The following DMD variants were observed in gnomAD, a reference collection of about 807,000 sequenced individuals.
The protein encoded by DMD is mutant dystrophin.
In DMD, 63 loss-of-function variants were observed where a neutral mutation model predicts 330.1. The observed-to-expected ratio is 0.19, with a 90% CI of 0.16 to 0.24. The LOEUF (loss-of-function observed/expected upper bound fraction) is 0.24. Among genes scored for constraint, DMD ranks in the 10% least tolerant of loss-of-function variants. The pLI, the probability that DMD is intolerant of heterozygous loss-of-function variation, is 1.00. For missense variants in DMD, 3,344 were observed against 2,684.1 expected (o/e 1.25, Z -5.43); for synonymous variants, 1,223 against 959.8 (o/e 1.27, Z -5.07).
intron 7 of DMD, among the ~76,000 whole-genome samples, chrX:32,751,640 G>A (rs2070828258): frequency 8.9e-6 from 1 of 112,652 alleles, no homozygotes; most frequent in Non-Finnish European, 1.9e-5. Flanking sequence ...GCAGAAATTT[G>A]TATAAGTAAC....
intron 63 of DMD, among the ~76,000 whole-genome samples, chrX:31,247,064 T>C (rs2048897936): frequency 8.9e-6 from 1 of 111,962 alleles, no homozygotes; most frequent in South Asian, 3.7e-4. Context: ...AGACCTAGTG[T>C]TCAAAATAGG....
intron 43 of DMD, among the ~76,000 whole-genome samples, chrX:32,261,509 T>C (rs965398195): frequency 5.3e-5 from 6 of 112,187 alleles, no homozygotes; most frequent in African/African-American, 1.9e-4. Flanking sequence ...GGTATGTTCT[T>C]GGAATTGAGA....
intron 1 of DMD, among the ~76,000 whole-genome samples, chrX:33,263,849 G>A (rs1358142129): frequency 9.1e-6 from 1 of 110,412 alleles, no homozygotes; most frequent in Non-Finnish European, 1.9e-5. Context: ...TACAAAAAAG[G>A]GAAACTGACT....
chrX:31,329,986 A>G (rs1363002758), intron 61 of DMD, among the ~76,000 whole-genome samples: 2 of 103,808 alleles, frequency 1.9e-5, no homozygotes, highest in Non-Finnish European at 3.9e-5. Context: ...AAAAAAAAAA[A>G]AAAAAAAAAA....
chrX:31,715,386 T>C (rs185853246), intron 52 of DMD, among the ~76,000 whole-genome samples: 1,835 of 103,812 alleles, frequency 0.018, 24 homozygotes, highest in East Asian at 0.038. Flanking sequence ...CTACTAAAAA[T>C]ACAAAAATTA....
intron 60 of DMD, among the ~76,000 whole-genome samples, chrX:31,405,699 A>G (rs1442531506): frequency 8.9e-6 from 1 of 111,834 alleles, no homozygotes; most frequent in African/African-American, 3.2e-5. Flanking sequence ...AATCAGCAAT[A>G]ATAGATGTAA....
chrX:31,908,712 ATATATATATACT>A (rs1357375821), intron 47 of DMD, among the ~76,000 whole-genome samples: 3 of 110,480 alleles, frequency 2.7e-5, no homozygotes, highest in African/African-American at 6.6e-5. Flanking sequence ...AACTTCAAGT[ATATATATATACT>A]TATATATATA....
chrX:32,313,685 T>C (rs1406397029), intron 41 of DMD, among the ~76,000 whole-genome samples: 2 of 111,972 alleles, frequency 1.8e-5, no homozygotes, highest in Non-Finnish European at 3.8e-5. Context: ...TTTAAGCTGA[T>C]AAGCAACTTC....
chrX:31,349,669 G>A (rs1476303995), intron 60 of DMD, among the ~76,000 whole-genome samples: 1 of 111,360 alleles, frequency 9.0e-6, no homozygotes, highest in Non-Finnish European at 1.9e-5. Context: ...GGGGAAGAAA[G>A]GAATAATTTT....
chrX:31,148,174 G>T (rs1218518720), intron 74 of DMD, among the ~76,000 whole-genome samples: 1 of 111,658 alleles, frequency 9.0e-6, no homozygotes, highest in Non-Finnish European at 1.9e-5. Context: ...ACAAATACTA[G>T]GTTGAGCTTA....
At chrX:32,648,963 G>A (rs1347677375) in intron 9 of DMD, among the ~76,000 whole-genome samples, 2 of 111,578 alleles carry the variant, frequency 1.8e-5, no homozygotes, top group African/African-American at 6.5e-5. Context: ...CATGAATGAA[G>A]ATGCCAGTAT....
intron 13 of DMD, among the ~76,000 whole-genome samples, chrX:32,591,127 G>A (rs761052747): frequency 9.0e-6 from 1 of 111,601 alleles, no homozygotes; most frequent in South Asian, 3.8e-4. Context: ...CCAAAGTGCT[G>A]GGATTACAGG....
chrX:31,979,690 T>A (rs1225015649), intron 44 of DMD, among the ~76,000 whole-genome samples: 1 of 112,105 alleles, frequency 8.9e-6, no homozygotes, highest in Non-Finnish European at 1.9e-5. Flanking sequence ...GCACTTCATA[T>A]TAGTGGTGGG....
intron 7 of DMD, among the ~76,000 whole-genome samples, chrX:32,735,833 TA>T (rs2068388349): frequency 9.0e-6 from 1 of 111,707 alleles, no homozygotes; most frequent in Non-Finnish European, 1.9e-5. Flanking sequence ...ACCTAGGCAT[TA>T]CCATTCAGGA....
At chrX:31,301,797 T>C (rs2054665250) in intron 62 of DMD, among the ~76,000 whole-genome samples, 1 of 111,871 alleles carries the variant, frequency 8.9e-6, no homozygotes, top group African/African-American at 3.3e-5. Context: ...TTTTCAGCCT[T>C]ATGCAGGAGA....
intron 1 of DMD, chrX:33,128,550 T>C: frequency 1.5e-6 from 1 of 661,504 alleles, no homozygotes; most frequent in Non-Finnish European, 1.8e-6. Context: ...GTCTGCTTTA[T>C]ATAGGATTTA....
At chrX:31,343,518 G>A (rs1480544222) in intron 61 of DMD, among the ~76,000 whole-genome samples, 13 of 110,645 alleles carry the variant, frequency 1.2e-4, no homozygotes, top group African/African-American at 4.3e-4. Flanking sequence ...GTAAAAGGCT[G>A]CCTCTGTCTT....
intron 9 of DMD, among the ~76,000 whole-genome samples, chrX:32,681,123 G>A (rs1182800117): frequency 8.9e-6 from 1 of 111,755 alleles, no homozygotes; most frequent in Non-Finnish European, 1.9e-5. Flanking sequence ...TAAGCATAGG[G>A]TTATTTCCAT....
chrX:31,732,485 G>A (rs1281474936), intron 51 of DMD, among the ~76,000 whole-genome samples: 1 of 111,492 alleles, frequency 9.0e-6, no homozygotes, highest in Non-Finnish European at 1.9e-5. Context: ...CAAGCATATG[G>A]TGAGAGTAAC....
Sources: allele counts gnomAD v4.1 joint callset (sites outside exome capture counted in the v4.1 genomes callset), GRCh38; gene constraint gnomAD v4.1.1; transcripts MANE v1.5; gene names NCBI Gene and HGNC (gene_info 2026-07-23, HGNC 2026-07-21).